LMO7: variants seen among roughly 807,000 people sequenced by gnomAD.
LMO7 encodes the protein LIM domain 7, also known as LIM domain only protein 7.
In LMO7, 120 loss-of-function variants were observed where a neutral mutation model predicts 206.5. The observed-to-expected ratio is 0.58, with a 90% CI of 0.50 to 0.68. The LOEUF (loss-of-function observed/expected upper bound fraction) is 0.68, where lower values mean the gene tolerates loss of function less well. LMO7 is among the 30% of genes least tolerant of loss of function. The pLI, the probability that LMO7 is intolerant of heterozygous loss-of-function variation, is 0.00. For synonymous variants in LMO7, 706 were observed against 681.5 expected (o/e 1.04, Z -0.56); for missense variants, 1,959 against 1,957.9 (o/e 1.00, Z -0.01).
intron 1 of LMO7, among the ~76,000 whole-genome samples, chr13:75,674,643 A>G (rs142459867): frequency 1.8e-4 from 28 of 152,328 alleles, no homozygotes; most frequent in African/African-American, 6.3e-4. Context: ...AATGCAACTA[A>G]ATGGAAGGAC....
chr13:75,714,535 T>C (rs1339117346), intron 2 of LMO7, among the ~76,000 whole-genome samples: 1 of 152,202 alleles, frequency 6.6e-6, no homozygotes, highest in Non-Finnish European at 1.5e-5. Context: ...CCTAAAGAAG[T>C]GTCAATTTCG....
chr13:75,709,538 C>G (rs1343528826), intron 1 of LMO7, among the ~76,000 whole-genome samples: 2 of 152,184 alleles, frequency 1.3e-5, no homozygotes, highest in African/African-American at 2.4e-5. Flanking sequence ...TTGCATTTCT[C>G]TGATGGCCAG....
intron 4 of LMO7, among the ~76,000 whole-genome samples, chr13:75,778,284 G>T (rs182664346): frequency 1.3e-5 from 2 of 152,062 alleles, no homozygotes; most frequent in Admixed American, 1.3e-4. Context: ...CCAGGCTGGA[G>T]TGCAGTGGTG....
At chr13:75,668,073 T>C (rs2039228945) in intron 1 of LMO7, among the ~76,000 whole-genome samples, 2 of 152,118 alleles carry the variant, frequency 1.3e-5, no homozygotes. Context: ...CTGGGCGTGG[T>C]GGTGCACGCC....
chr13:75,838,408 C>G (rs1041456293), intron 20 of LMO7: 2 of 1,326,278 alleles, frequency 1.5e-6, no homozygotes, highest in Non-Finnish European at 2.0e-6. Context: ...CTTTGTGTGT[C>G]CTTTGTATAC....
At chr13:75,734,905 C>A (rs924241694) in intron 3 of LMO7, among the ~76,000 whole-genome samples, 1 of 152,136 alleles carries the variant, frequency 6.6e-6, no homozygotes, top group East Asian at 1.9e-4. Flanking sequence ...GACGACCATC[C>A]TGGCTAACAC....
intron 1 of LMO7, among the ~76,000 whole-genome samples, chr13:75,692,398 T>TC (rs2041562955): frequency 6.6e-6 from 1 of 151,604 alleles, no homozygotes; most frequent in African/African-American, 2.4e-5. Context: ...TCTTTTCCTT[T>TC]TTTTTTTTTT....
intron 13 of LMO7, 95 bp from the exon 14 acceptor site, chr13:75,821,082 T>G: frequency 1.2e-6 from 1 of 856,858 alleles, no homozygotes; most frequent in Non-Finnish European, 1.8e-6. Flanking sequence ...AGCATCATTT[T>G]ATTCCCAGTC....
chr13:75,761,124 A>G, intron 4 of LMO7, 86 bp downstream of exon 4: 2 of 839,240 alleles, frequency 2.4e-6, no homozygotes, highest in South Asian at 2.0e-5. Context: ...CTGAGAGTTC[A>G]TGATTACAGA....
chr13:75,749,384 C>T (rs2047104315), intron 3 of LMO7, among the ~76,000 whole-genome samples: 1 of 152,068 alleles, frequency 6.6e-6, no homozygotes, highest in Admixed American at 6.5e-5. Flanking sequence ...TCTATTTCAG[C>T]ACTTTGGAAA....
At chr13:75,729,707 G>C (rs983186438) in intron 3 of LMO7, among the ~76,000 whole-genome samples, 36 of 151,474 alleles carry the variant, frequency 2.4e-4, no homozygotes, top group Non-Finnish European at 3.8e-4. Context: ...TCTTCTGCCA[G>C]TTTTCAAAGG....
intron 7 of LMO7, among the ~76,000 whole-genome samples, chr13:75,803,269 C>T (rs1566493370): frequency 6.6e-6 from 1 of 152,168 alleles, no homozygotes; most frequent in Non-Finnish European, 1.5e-5. Flanking sequence ...TTTACTGTAG[C>T]TTCCTGCCAG....
At chr13:75,763,566 A>T (rs2048461636) in intron 4 of LMO7, among the ~76,000 whole-genome samples, 1 of 152,188 alleles carries the variant, frequency 6.6e-6, no homozygotes, top group Admixed American at 6.5e-5. Flanking sequence ...TATTTTGCAT[A>T]TCTGTATGCA....
chr13:75,709,939 A>G (rs1019607935), intron 1 of LMO7, among the ~76,000 whole-genome samples: 611 of 152,256 alleles, frequency 4.0e-3, no homozygotes, highest in African/African-American at 0.014. Context: ...TAGGTCTAAC[A>G]TTTAAGTCTT....
intron 3 of LMO7, among the ~76,000 whole-genome samples, chr13:75,755,547 A>G (rs562761606): frequency 1.8e-4 from 28 of 152,294 alleles, no homozygotes; most frequent in African/African-American, 6.5e-4. Context: ...GCACATTGAC[A>G]TCCCTAATTT....
chr13:75,777,353 A>G (rs1419083359), intron 4 of LMO7, among the ~76,000 whole-genome samples: 1 of 152,242 alleles, frequency 6.6e-6, no homozygotes, highest in Non-Finnish European at 1.5e-5. Context: ...ATGCTATTCC[A>G]CATTTAAGAA....
At chr13:75,622,981 G>A (rs1310317049) in intron 1 of LMO7, among the ~76,000 whole-genome samples, 1 of 152,068 alleles carries the variant, frequency 6.6e-6, no homozygotes, top group Non-Finnish European at 1.5e-5. Context: ...TGATATTGCA[G>A]TTATTTAAAA....
chr13:75,713,426 A>G (rs1262160068), intron 2 of LMO7, among the ~76,000 whole-genome samples, 174 bp downstream of exon 2: 1 of 152,224 alleles, frequency 6.6e-6, no homozygotes, highest in African/African-American at 2.4e-5. Context: ...AGTAGGAAGA[A>G]GGGGTTATCA....
At chr13:75,712,814 T>C (rs1470637985) in intron 1 of LMO7, among the ~76,000 whole-genome samples, 1 of 152,196 alleles carries the variant, frequency 6.6e-6, no homozygotes, top group Non-Finnish European at 1.5e-5. Flanking sequence ...TGAGTTTCTA[T>C]CTTATACTGT....
Sources: gnomAD v4.1 joint callset for allele counts (sites outside exome capture counted in the v4.1 genomes callset) on GRCh38, gnomAD v4.1.1 for gene constraint, MANE v1.5 for transcripts, NCBI Gene and HGNC (gene_info 2026-07-23, HGNC 2026-07-21) for gene names.